Variants in TANGO6 observed in about 807,000 individuals in gnomAD.
TANGO6 encodes transport and Golgi organization protein 6 homolog.
A neutral mutation model predicts 114.2 loss-of-function variants in TANGO6; 90 were observed. The observed-to-expected ratio is 0.79, with a 90% CI of 0.66 to 0.94. TANGO6 has a LOEUF of 0.94. Among genes scored for constraint, TANGO6 ranks in the 40% least tolerant of loss-of-function variants. The pLI is 0.00. For missense variants in TANGO6, 1,274 were observed against 1,315.3 expected (o/e 0.97, Z 0.49); for synonymous variants, 477 against 509.8 (o/e 0.94, Z 0.87).
At chr16:68,968,891 C>T (rs563901557) in intron 14 of TANGO6, among the ~76,000 whole-genome samples, 39 of 149,876 alleles carry the variant, frequency 2.6e-4, no homozygotes, top group African/African-American at 8.1e-4. Context: ...AGGATGGTCT[C>T]GATCTCCTGA....
intron 17 of TANGO6, among the ~76,000 whole-genome samples, chr16:69,076,425 T>C (rs1017018002): frequency 6.6e-6 from 1 of 152,122 alleles, no homozygotes; most frequent in Admixed American, 6.6e-5. Context: ...CGACCAACAC[T>C]GTCTACCTTT....
At chr16:69,039,842 C>G (rs1039386366) in intron 16 of TANGO6, among the ~76,000 whole-genome samples, 33 of 152,144 alleles carry the variant, frequency 2.2e-4, no homozygotes, top group African/African-American at 7.7e-4. Context: ...AAACTTTCAT[C>G]AATGGTACAT....
intron 15 of TANGO6, among the ~76,000 whole-genome samples, chr16:69,021,002 T>C (rs757793283): frequency 5.3e-5 from 8 of 151,876 alleles, no homozygotes; most frequent in Non-Finnish European, 1.0e-4. Context: ...TTCCAGCTAC[T>C]TACTGTAGTA....
chr16:68,921,196 T>A (rs1019290526), intron 12 of TANGO6, among the ~76,000 whole-genome samples: 2 of 151,302 alleles, frequency 1.3e-5, no homozygotes, highest in Non-Finnish European at 2.9e-5. Context: ...TTTCTTTTTT[T>A]TTTTCAGACA....
At position 68,878,185 on chromosome 16, in the gene TANGO6, C is replaced by T; in HGVS notation, c.1199C>T (p.Thr400Ile). The T allele has an allele frequency of 6.2e-7, 1 of 1,613,302 alleles. No homozygotes were observed. Among genetic ancestry groups the T allele is most frequent in the Non-Finnish European group, 8.5e-7 (1 of 1,179,642 alleles). Reference protein sequence around the residue: ...ARQFQRVATTTFITLSRERPH... With the variant: ...ARQFQRVATTIFITLSRERPH... Reference sequence around the variant, plus strand: ...CAATTTCAGAGAGTTGCCACCACTACCTTTATAACTTTGTCAAGAGAACGC... The same window carrying T: ...CAATTTCAGAGAGTTGCCACCACTATCTTTATAACTTTGTCAAGAGAACGC... Residue 400 changes from threonine to isoleucine, a missense_variant, in exon 6 of 18, where the codon ACC becomes ATC. By Grantham distance (89) the Thr-to-Ile change is moderately conservative. Coordinates refer to ENST00000261778, the MANE Select transcript of TANGO6 (RefSeq NM_024562.2).
At chr16:69,055,560 A>G (rs560384229) in intron 17 of TANGO6, among the ~76,000 whole-genome samples, 18 of 152,366 alleles carry the variant, frequency 1.2e-4, no homozygotes, top group Admixed American at 5.9e-4. Context: ...TGGCTGGGCC[A>G]GGTGTGGTGT....
At chr16:68,939,528 GT>G (rs1963330575) in intron 14 of TANGO6, among the ~76,000 whole-genome samples, 1 of 151,466 alleles carries the variant, frequency 6.6e-6, no homozygotes, top group East Asian at 1.9e-4. Context: ...TGAACAGTAA[GT>G]TGTGTTAGGG....
At chr16:68,991,928 A>G (rs1290499671) in intron 15 of TANGO6, among the ~76,000 whole-genome samples, 2 of 152,160 alleles carry the variant, frequency 1.3e-5, no homozygotes, top group African/African-American at 4.8e-5. Context: ...GGTTAGAGGA[A>G]TGGCTGTGAA....
At chr16:68,974,281 G>A (rs1443686602) in intron 15 of TANGO6, 113 bp downstream of exon 15, 1 of 1,212,748 alleles carries the variant, frequency 8.2e-7, no homozygotes, top group African/African-American at 1.5e-5. Context: ...GGTAGTTTGA[G>A]GGCTGGGATG....
chr16:69,012,322 C>T (rs1051979353), intron 15 of TANGO6, among the ~76,000 whole-genome samples: 1 of 151,998 alleles, frequency 6.6e-6, no homozygotes. Flanking sequence ...TTTGGGAGGC[C>T]GAGGTGGTCG....
chr16:68,947,421 T>C (rs1352615125), intron 14 of TANGO6, among the ~76,000 whole-genome samples: 1 of 151,630 alleles, frequency 6.6e-6, no homozygotes, highest in African/African-American at 2.4e-5. Context: ...GCCACTGTAC[T>C]CCAGCCTGGC....
rs56895077 is a variant in TANGO6 at position 69,080,227 on chromosome 16, A to C, written c.3109-3258A>C. Among the ~76,000 whole-genome samples the C allele has an allele frequency of 7.8e-3, 1,019 of 129,942 alleles. 9 individuals carry two copies. The highest frequency in any genetic ancestry group is 0.035 in the African/African-American group (871 of 24,836). 85.2% of individuals were successfully genotyped at this position (129,942 alleles called of 152,430 possible). ...TACAAAGGATCTACAAAACATGTTAAGTGGGGGAAAAAATATGGTACACAA... is the reference window on the plus strand; with the variant it reads ...TACAAAGGATCTACAAAACATGTTACGTGGGGGAAAAAATATGGTACACAA... On this transcript the variant is annotated intron_variant, in intron 17 of 17. Coordinates refer to ENST00000261778, the MANE Select transcript of TANGO6 (RefSeq NM_024562.2).
At chr16:68,857,235 G>T (rs1157138714) in intron 1 of TANGO6, among the ~76,000 whole-genome samples, 1 of 152,130 alleles carries the variant, frequency 6.6e-6, no homozygotes, top group African/African-American at 2.4e-5. Flanking sequence ...ATGTCATGTA[G>T]TTGGAATTAT....
intron 17 of TANGO6, among the ~76,000 whole-genome samples, chr16:69,047,244 A>G (rs1328337351): frequency 6.6e-6 from 1 of 151,516 alleles, no homozygotes; most frequent in Non-Finnish European, 1.5e-5. Context: ...TAATCCCAGC[A>G]CTTTGTTTGG....
At chr16:69,073,873 T>G in intron 17 of TANGO6, among the ~76,000 whole-genome samples, 1 of 151,816 alleles carries the variant, frequency 6.6e-6, no homozygotes, top group East Asian at 1.9e-4. Context: ...GAGAATCGCT[T>G]GAACCCAGGA....
chr16:69,080,460 G>T (rs1392603322), intron 17 of TANGO6, among the ~76,000 whole-genome samples: 1 of 152,120 alleles, frequency 6.6e-6, no homozygotes, highest in East Asian at 1.9e-4. Flanking sequence ...CTGAGATGGA[G>T]GATTGCTGGA....
intron 15 of TANGO6, among the ~76,000 whole-genome samples, chr16:69,013,804 G>A (rs1369659303): frequency 6.6e-6 from 1 of 151,942 alleles, no homozygotes; most frequent in Non-Finnish European, 1.5e-5. Context: ...CCACAGGCAT[G>A]TGCCACCATG....
At chr16:68,977,276 G>A (rs1187546778) in intron 15 of TANGO6, among the ~76,000 whole-genome samples, 1 of 151,704 alleles carries the variant, frequency 6.6e-6, no homozygotes, top group Non-Finnish European at 1.5e-5. Flanking sequence ...ATCAGTGAAA[G>A]GAGAATTACT....
chr16:68,901,592 G>T (rs1306386723), intron 8 of TANGO6, among the ~76,000 whole-genome samples: 1 of 152,106 alleles, frequency 6.6e-6, no homozygotes, highest in Non-Finnish European at 1.5e-5. Flanking sequence ...GAGTTCAGGC[G>T]ATTCTCCTGC....
Sources: allele counts gnomAD v4.1 joint callset (sites outside exome capture counted in the v4.1 genomes callset), GRCh38; gene constraint gnomAD v4.1.1; transcripts MANE v1.5; gene names NCBI Gene and HGNC (gene_info 2026-07-23, HGNC 2026-07-21).